Variants in NRG1 observed in about 807,000 individuals in gnomAD.
NRG1 encodes the protein neuregulin 1, also known as pro-neuregulin-1, membrane-bound isoform.
A neutral mutation model predicts 63.8 loss-of-function variants in NRG1; 18 were observed. That is an observed-to-expected ratio of 0.28 (90% CI 0.19 to 0.42). The LOEUF (loss-of-function observed/expected upper bound fraction) is 0.42. NRG1 is among the 10% of genes least tolerant of loss of function. The pLI is 1.00. For missense variants in NRG1, 762 were observed against 814.7 expected (o/e 0.94, Z 0.79); for synonymous variants, 302 against 301.3 (o/e 1.00, Z -0.02).
chr8:32,129,816 T>G (rs1365017224), intron 1 of NRG1, among the ~76,000 whole-genome samples: 1 of 151,986 alleles, frequency 6.6e-6, no homozygotes, highest in African/African-American at 2.4e-5. Context: ...TATGTACACA[T>G]GCATTAATTA....
At position 32,153,566 on chromosome 8, in the gene NRG1, A is replaced by G. The variant is rs192567595; in HGVS notation, c.38-442262A>G. ...GTAACTCCCTGAAATCCACTTGATG[A>G]TAGAAAATTAGTCTATGGCCATATC... is the stretch of plus-strand genomic sequence containing the variant. On this transcript the variant is annotated intron_variant, in intron 1 of 10. Transcript: ENST00000519301. 2.7e-3 allele frequency among the ~76,000 whole-genome samples: 415 copies of G among 152,330 alleles called. 1 individual carries two copies. Among genetic ancestry groups the G allele is most frequent in the Non-Finnish European group, 4.6e-3 (313 of 68,032 alleles).
intron 1 of NRG1, among the ~76,000 whole-genome samples, chr8:31,997,322 C>T (rs1479833054): frequency 6.6e-6 from 1 of 151,350 alleles, no homozygotes; most frequent in Non-Finnish European, 1.5e-5. Context: ...CTTAAAATGC[C>T]TATGCTATCA....
intron 5 of NRG1, among the ~76,000 whole-genome samples, chr8:32,617,779 G>A (rs920321295): frequency 3.9e-5 from 6 of 152,130 alleles, no homozygotes; most frequent in Admixed American, 2.6e-4. Flanking sequence ...CTATCAGCAG[G>A]GTAGGAAAAC....
intron 1 of NRG1, among the ~76,000 whole-genome samples, chr8:31,663,168 G>A (rs551636018): frequency 5.6e-4 from 85 of 152,300 alleles, no homozygotes; most frequent in African/African-American, 1.9e-3. Context: ...AGGGCTGTCA[G>A]TCTGCTCCAC....
intron 1 of NRG1, among the ~76,000 whole-genome samples, chr8:31,894,636 C>T (rs183344734): frequency 2.1e-3 from 317 of 150,822 alleles, no homozygotes; most frequent in East Asian, 0.015. Context: ...CTGCGAGCTC[C>T]GCCTCCCGGG....
At chr8:31,868,708 G>A (rs1177017562) in intron 1 of NRG1, among the ~76,000 whole-genome samples, 1 of 152,196 alleles carries the variant, frequency 6.6e-6, no homozygotes, top group Non-Finnish European at 1.5e-5. Flanking sequence ...ACCGTGCACT[G>A]TCTGTTGCCT....
At chr8:32,553,101 A>T (rs1313601711) in intron 1 of NRG1, among the ~76,000 whole-genome samples, 1 of 152,180 alleles carries the variant, frequency 6.6e-6, no homozygotes, top group African/African-American at 2.4e-5. Context: ...TTTAAATCCT[A>T]ATTAGGCTGT....
intron 1 of NRG1, among the ~76,000 whole-genome samples, chr8:32,165,332 T>C (rs1329089060): frequency 6.6e-6 from 1 of 151,712 alleles, no homozygotes; most frequent in Non-Finnish European, 1.5e-5. Flanking sequence ...TTTGTAGAGA[T>C]AGAGTCTCAC....
At chr8:31,662,801 A>G in intron 1 of NRG1, among the ~76,000 whole-genome samples, 1 of 152,220 alleles carries the variant, frequency 6.6e-6, no homozygotes, top group Non-Finnish European at 1.5e-5. Context: ...TCTGAGAAAT[A>G]AAAAACACAT....
intron 1 of NRG1, among the ~76,000 whole-genome samples, chr8:32,188,988 A>G (rs1013510221): frequency 2.6e-5 from 4 of 152,076 alleles, no homozygotes; most frequent in Admixed American, 1.3e-4. Context: ...AAAGTCAAGG[A>G]AGTGAATTAG....
intron 5 of NRG1, among the ~76,000 whole-genome samples, chr8:32,625,655 G>A (rs1370217598): frequency 6.6e-6 from 1 of 152,068 alleles, no homozygotes; most frequent in Non-Finnish European, 1.5e-5. Flanking sequence ...CATATAGATA[G>A]GGATAGGCCA....
At chr8:32,109,054 T>A (rs151070139) in intron 1 of NRG1, among the ~76,000 whole-genome samples, 3 of 152,334 alleles carry the variant, frequency 2.0e-5, no homozygotes, top group East Asian at 1.9e-4. Context: ...AGCTTACTGC[T>A]GCAACATCTT....
At position 32,614,425 on chromosome 8, in the gene NRG1, A is replaced by G. The variant is rs973668749; in HGVS notation, c.401-89A>G. 2.3e-6 allele frequency: 3 copies of G among 1,281,440 alleles called. No individual in the cohort carries two copies. In the Admixed American group the frequency reaches 5.1e-5, roughly 22 times the overall value. 79.4% of individuals were successfully genotyped at this position (1,281,440 alleles called of 1,614,324 possible). On this transcript the variant is annotated intron_variant, in intron 3 of 11. Coordinates refer to ENST00000356819, the Ensembl canonical transcript of NRG1. Reference sequence around the variant, plus strand: ...CCCTTGCAATACTTCCTTCCTTTACACTTAACTTTTAGTTCCAAGGCAGGC... The same window carrying G: ...CCCTTGCAATACTTCCTTCCTTTACGCTTAACTTTTAGTTCCAAGGCAGGC...
chr8:32,254,654 G>C (rs1275523727), intron 1 of NRG1, among the ~76,000 whole-genome samples: 2 of 152,212 alleles, frequency 1.3e-5, no homozygotes. Context: ...AAATTCTGTT[G>C]ATTTGGGGTG....
chr8:31,761,287 C>G (rs912094543), intron 1 of NRG1, among the ~76,000 whole-genome samples: 2 of 152,000 alleles, frequency 1.3e-5, no homozygotes, highest in South Asian at 2.1e-4. Flanking sequence ...GAACATCACA[C>G]TCTGGGGACT....
At chr8:32,368,655 C>A (rs1052883781) in intron 1 of NRG1, among the ~76,000 whole-genome samples, 1 of 152,270 alleles carries the variant, frequency 6.6e-6, no homozygotes, top group African/African-American at 2.4e-5. Flanking sequence ...GAGGATGTTT[C>A]CCTGCAATGA....
At chr8:32,744,574 A>C (rs1333518504) in intron 7 of NRG1, among the ~76,000 whole-genome samples, 33 of 152,144 alleles carry the variant, frequency 2.2e-4, no homozygotes, top group Admixed American at 2.2e-3. Context: ...ATTTGTATTT[A>C]AATAACATAG....
At chr8:32,654,858 T>C (rs1801105753) in intron 5 of NRG1, among the ~76,000 whole-genome samples, 1 of 152,194 alleles carries the variant, frequency 6.6e-6, no homozygotes, top group African/African-American at 2.4e-5. Context: ...TTATTAACTA[T>C]ATTTACTTCT....
At chr8:31,762,421 A>G (rs1817652028) in intron 1 of NRG1, among the ~76,000 whole-genome samples, 1 of 152,212 alleles carries the variant, frequency 6.6e-6, no homozygotes. Context: ...TATGTGTGTC[A>G]CATTTCCTTT....
Sources: allele counts gnomAD v4.1 joint callset (sites outside exome capture counted in the v4.1 genomes callset), GRCh38; gene constraint gnomAD v4.1.1; transcripts MANE v1.5; gene names NCBI Gene and HGNC (gene_info 2026-07-23, HGNC 2026-07-21).